TNRC6B: variants seen among roughly 807,000 people sequenced by gnomAD.
The protein encoded by TNRC6B is trinucleotide repeat containing adaptor 6B, also known as trinucleotide repeat-containing gene 6B protein.
A neutral mutation model predicts 203.6 loss-of-function variants in TNRC6B; 52 were observed. That is an observed-to-expected ratio of 0.26 (90% CI 0.20 to 0.32). The LOEUF (loss-of-function observed/expected upper bound fraction) is 0.32. TNRC6B is among the 10% of genes least tolerant of loss of function. The pLI, the probability that TNRC6B is intolerant of heterozygous loss-of-function variation, is 1.00. For missense variants in TNRC6B, 1,923 were observed against 2,286.2 expected (o/e 0.84, Z 3.24); for synonymous variants, 838 against 845.7 (o/e 0.99, Z 0.16).
chr22:40,159,112 A>G (rs1182898436), intron 4 of TNRC6B, among the ~76,000 whole-genome samples: 2 of 151,028 alleles, frequency 1.3e-5, no homozygotes, highest in South Asian at 2.1e-4. Context: ...ACAGGCGCCC[A>G]CCATCACACC....
At chr22:40,300,324 A>G (rs2071005949) in intron 12 of TNRC6B, 131 bp from the exon 13 acceptor site, 2 of 794,320 alleles carry the variant, frequency 2.5e-6, no homozygotes, top group African/African-American at 1.8e-5. Flanking sequence ...TTCCTGTTAT[A>G]TATTTTTCAC....
At chr22:40,298,257 G>A (rs2070972467) in intron 12 of TNRC6B, among the ~76,000 whole-genome samples, 1 of 152,184 alleles carries the variant, frequency 6.6e-6, no homozygotes, top group Non-Finnish European at 1.5e-5. Context: ...ATTAAGCTTA[G>A]TGTGTGAATC....
intron 4 of TNRC6B, among the ~76,000 whole-genome samples, chr22:40,161,312 A>G (rs1456684889): frequency 2.0e-5 from 3 of 152,136 alleles, no homozygotes; most frequent in Non-Finnish European, 4.4e-5. Context: ...TTTTTTTCCA[A>G]ATGGTTCTCA....
At chr22:40,238,935 G>A (rs2069987371) in intron 1 of TNRC6B, among the ~76,000 whole-genome samples, 1 of 151,482 alleles carries the variant, frequency 6.6e-6, no homozygotes, top group Non-Finnish European at 1.5e-5. Flanking sequence ...GGGCGCAGTG[G>A]CTCACGCCTG....
At chr22:40,318,426 A>T (rs556318119) in intron 21 of TNRC6B, among the ~76,000 whole-genome samples, 2 of 152,284 alleles carry the variant, frequency 1.3e-5, no homozygotes, top group African/African-American at 2.4e-5. Flanking sequence ...GAGCACCTGT[A>T]GTCCCAGCTA....
At chr22:40,217,972 CAA>C (rs138025) in intron 1 of TNRC6B, among the ~76,000 whole-genome samples, 10 of 112,698 alleles carry the variant, frequency 8.9e-5, no homozygotes, top group African/African-American at 1.1e-4. Context: ...GACTCCATCT[CAA>C]AAAAAAAAAA....
intron 1 of TNRC6B, among the ~76,000 whole-genome samples, chr22:40,046,367 C>A (rs904376966): frequency 1.2e-4 from 19 of 152,210 alleles, no homozygotes; most frequent in African/African-American, 4.1e-4. Flanking sequence ...TGCCCACTTG[C>A]ACGAAGGCAC....
chr22:40,220,909 A>G (rs918936637), intron 1 of TNRC6B, among the ~76,000 whole-genome samples: 2 of 152,182 alleles, frequency 1.3e-5, no homozygotes, highest in African/African-American at 2.4e-5. Flanking sequence ...GAAGTAAGGG[A>G]AAAATGTGAA....
chr22:40,315,341 T>C lies in TNRC6B; in HGVS notation c.4737T>C (p.Thr1579=). 1 of 1,613,920 alleles carries C rather than the reference T, an allele frequency of 6.2e-7. No individual in the cohort carries two copies. The highest frequency in any genetic ancestry group is 8.5e-7 in the Non-Finnish European group (1 of 1,179,880). The change falls in exon 20 of 23, where the codon ACT becomes ACC. Residue 1579 remains threonine, a synonymous_variant. Transcript: ENST00000454349. ...WSPDPIGHNP[T]HLSNKMWKNH... ...CAGATCCCATAGGACACAACCCCAC[T>C]CATCTCTCCAACAAGATGTGGAAAA... is the stretch of plus-strand genomic sequence containing the variant.
At chr22:40,194,997 C>T (rs2146398464) in intron 1 of TNRC6B, among the ~76,000 whole-genome samples, 1 of 152,322 alleles carries the variant, frequency 6.6e-6, no homozygotes, top group Non-Finnish European at 1.5e-5. Context: ...GGGAGCCCTC[C>T]TTTAAATTTT....
At chr22:40,310,357 T>G (rs1266344416) in intron 16 of TNRC6B, among the ~76,000 whole-genome samples, 1 of 152,218 alleles carries the variant, frequency 6.6e-6, no homozygotes, top group Non-Finnish European at 1.5e-5. Context: ...CCAGCTAATC[T>G]AAGCCTGATC....
intron 1 of TNRC6B, among the ~76,000 whole-genome samples, chr22:40,112,380 T>TC (rs1490488639): frequency 6.6e-6 from 1 of 152,068 alleles, no homozygotes; most frequent in Non-Finnish European, 1.5e-5. Flanking sequence ...CATGACCCTG[T>TC]CCCCCAGTCT....
chr22:40,245,945 A>C, intron 1 of TNRC6B, 70 bp from the exon 2 acceptor site: 1 of 1,259,508 alleles, frequency 7.9e-7, no homozygotes, highest in East Asian at 2.7e-5. Flanking sequence ...ACTTACAAGC[A>C]TTCAATTTGC....
chr22:40,231,494 T>A (rs1004584797), intron 1 of TNRC6B, among the ~76,000 whole-genome samples: 1 of 151,762 alleles, frequency 6.6e-6, no homozygotes, highest in Admixed American at 6.6e-5. Context: ...TCTTATGTGT[T>A]CACAGTTTTT....
intron 3 of TNRC6B, among the ~76,000 whole-genome samples, chr22:40,154,022 G>C (rs1303148983): frequency 6.6e-6 from 1 of 151,318 alleles, no homozygotes; most frequent in Non-Finnish European, 1.5e-5. Context: ...GCCCAGACTG[G>C]AGTGCAGTGG....
At chr22:40,048,306 C>T (rs906858174) in intron 1 of TNRC6B, among the ~76,000 whole-genome samples, 8 of 152,074 alleles carry the variant, frequency 5.3e-5, no homozygotes, top group Non-Finnish European at 1.0e-4. Flanking sequence ...TTTGGGAGGC[C>T]GAGTCAGGTG....
At chr22:40,214,131 GTGGTGCGCACC>G (rs2069600960) in intron 1 of TNRC6B, among the ~76,000 whole-genome samples, 2 of 152,098 alleles carry the variant, frequency 1.3e-5, no homozygotes, top group South Asian at 4.1e-4. Context: ...GCCGGGCGTG[GTGGTGCGCACC>G]TGTAGCCCCA....
intron 3 of TNRC6B, among the ~76,000 whole-genome samples, chr22:40,151,211 C>T (rs1244438309): frequency 6.6e-6 from 1 of 151,154 alleles, no homozygotes; most frequent in Non-Finnish European, 1.5e-5. Flanking sequence ...GTGGAAGTTG[C>T]AGTGAGCCGA....
At chr22:40,203,532 A>T (rs8137189) in intron 1 of TNRC6B, among the ~76,000 whole-genome samples, 1 of 152,000 alleles carries the variant, frequency 6.6e-6, no homozygotes, top group African/African-American at 2.4e-5. Context: ...GGTAAAATAG[A>T]ATTGGGAAAA....
Sources: gnomAD v4.1 joint callset for allele counts (sites outside exome capture counted in the v4.1 genomes callset) on GRCh38, gnomAD v4.1.1 for gene constraint, MANE v1.5 for transcripts, NCBI Gene and HGNC (gene_info 2026-07-23, HGNC 2026-07-21) for gene names.